RAB5B: variants seen among roughly 807,000 people sequenced by gnomAD.
The protein encoded by RAB5B is RAB5B, member RAS oncogene family.
A neutral mutation model predicts 28.6 loss-of-function variants in RAB5B; 11 were observed. That is an observed-to-expected ratio of 0.38 (90% CI 0.24 to 0.64). The LOEUF (loss-of-function observed/expected upper bound fraction) is 0.64. Ranked by LOEUF, RAB5B falls within the 30% of genes least tolerant of loss-of-function variation. The pLI is 0.53. For synonymous variants in RAB5B, 93 were observed against 97.9 expected (o/e 0.95, Z 0.29); for missense variants, 169 against 265.6 (o/e 0.64, Z 2.53).
intron 1 of RAB5B, among the ~76,000 whole-genome samples, chr12:55,977,282 C>CGTGT (rs66505706): frequency 2.6e-5 from 4 of 150,974 alleles, no homozygotes; most frequent in East Asian, 3.9e-4. Flanking sequence ...GCCGTGTGTG[C>CGTGT]GTGTGTGTGT....
intron 2 of RAB5B, among the ~76,000 whole-genome samples, chr12:55,987,760 G>A (rs1479662614): frequency 6.6e-6 from 1 of 151,792 alleles, no homozygotes; most frequent in African/African-American, 2.4e-5. Context: ...GAACCCAGGG[G>A]GCAGAGGTTG....
intron 2 of RAB5B, among the ~76,000 whole-genome samples, chr12:55,989,550 G>A (rs181197014): frequency 2.0e-5 from 3 of 152,328 alleles, no homozygotes; most frequent in Non-Finnish European, 4.4e-5. Flanking sequence ...AAAGTGCTGG[G>A]ATTACAGGCG....
intron 1 of RAB5B, among the ~76,000 whole-genome samples, chr12:55,979,032 C>G (rs1172493964): frequency 6.6e-6 from 1 of 152,122 alleles, no homozygotes; most frequent in African/African-American, 2.4e-5. Flanking sequence ...CTTGGCCTCT[C>G]AAAGTGCTGG....
chr12:55,992,281 C>G lies in RAB5B; in HGVS notation c.*69C>G, dbSNP rs1344006593. 3.0e-6 allele frequency: 4 copies of G among 1,314,292 alleles called. No homozygotes were observed. In the Admixed American group the frequency reaches 7.5e-5, roughly 25 times the overall value. The allele number at this position is 1,314,292 out of a possible 1,614,324, so 81.4% of individuals were successfully genotyped here. ...TAAGAAATAACCTCCATCCCTACCC[C>G]TCAGCACACAACCCCTACGGTAACA... is the stretch of plus-strand genomic sequence containing the variant. On this transcript the variant is annotated 3_prime_UTR_variant, in exon 6 of 6. Transcript: ENST00000360299.
At chr12:55,992,021 G>A (rs776022050) in intron 5 of RAB5B, 76 bp from the exon 6 acceptor site, 113 of 1,098,362 alleles carry the variant, frequency 1.0e-4, no homozygotes, top group Non-Finnish European at 1.4e-4. Flanking sequence ...TTCAGTAGCC[G>A]TTTTTGGCGG....
At chr12:55,987,982 T>C (rs1890002719) in intron 2 of RAB5B, among the ~76,000 whole-genome samples, 1 of 152,004 alleles carries the variant, frequency 6.6e-6, no homozygotes, top group Admixed American at 6.6e-5. Context: ...TCCCCGTCTC[T>C]ACTAAAAATA....
Position 55,993,185 on chromosome 12 carries a change from T to C in RAB5B, c.*973T>C, listed in dbSNP as rs1417139861. 1 of 152,634 alleles carries C rather than the reference T, an allele frequency of 6.6e-6. No individual in the cohort carries two copies. The highest frequency in any genetic ancestry group is 2.4e-5 in the African/African-American group (1 of 41,434). 9.5% of individuals were successfully genotyped at this position (152,634 alleles called of 1,614,324 possible). Reference sequence around the variant, plus strand: ...TATACCCCTGCAGTTTGCACTTTAATTGATGGTAGTTCAGTTGGGGTACTT... The same window carrying C: ...TATACCCCTGCAGTTTGCACTTTAACTGATGGTAGTTCAGTTGGGGTACTT... On this transcript the variant is annotated 3_prime_UTR_variant, in exon 6 of 6. Transcript: ENST00000360299.
In RAB5B at chr12:55,995,572, G is replaced by A. The variant is rs1231069256; in HGVS notation, c.*3360G>A. 2.0e-5 allele frequency: 3 copies of A among 152,120 alleles called. No individual in the cohort carries two copies. The highest frequency in any genetic ancestry group is 6.5e-5 in the Admixed American group (1 of 15,274). The allele number at this position is 152,120 out of a possible 1,614,324, so 9.4% of individuals were successfully genotyped here. A position where few individuals can be genotyped will look rare whatever the true frequency, so the allele number is the denominator to read the frequency against. On this transcript the variant is annotated 3_prime_UTR_variant, in exon 6 of 6. Coordinates refer to ENST00000360299, the MANE Select transcript of RAB5B (RefSeq NM_002868.4). Reference sequence around the variant, plus strand: ...TTCAGTCCACCACAGTCTAAAGGTCGAGGGAAGGGAAATGAAATAGGATTA... The same window carrying A: ...TTCAGTCCACCACAGTCTAAAGGTCAAGGGAAGGGAAATGAAATAGGATTA...
At chr12:55,985,672 C>G in intron 1 of RAB5B, 2 of 455,584 alleles carry the variant, frequency 4.4e-6, no homozygotes, top group Non-Finnish European at 8.8e-6. Flanking sequence ...TGATTGCTTG[C>G]AGACTTAACG....
rs531323946 is a variant in RAB5B, at chr12:55,981,088, C to G, written c.-92-5781C>G. The G allele has an allele frequency of 2.2e-5, 33 of 1,490,824 alleles. No homozygotes were observed. In the African/African-American group the frequency reaches 3.6e-4, roughly 16 times the overall value. 92.3% of individuals were successfully genotyped at this position (1,490,824 alleles called of 1,614,324 possible). A position where few individuals can be genotyped will look rare whatever the true frequency, so the allele number is the denominator to read the frequency against. On this transcript the variant is annotated intron_variant, in intron 1 of 5. Coordinates refer to ENST00000360299, the MANE Select transcript of RAB5B (RefSeq NM_002868.4). ...TGGGGCTATTTATTTATTTTTGAGA[C>G]GGAATCGCTCTGTTGTCCAGGCTGG...
At chr12:55,976,505 T>G (rs1393710891) in intron 1 of RAB5B, among the ~76,000 whole-genome samples, 4 of 152,114 alleles carry the variant, frequency 2.6e-5, no homozygotes, top group African/African-American at 9.7e-5. Flanking sequence ...GTTGGGATAA[T>G]TGTTGGCATC....
intron 1 of RAB5B, among the ~76,000 whole-genome samples, chr12:55,977,991 T>C (rs1436584425): frequency 6.6e-6 from 1 of 152,212 alleles, no homozygotes; most frequent in East Asian, 1.9e-4. Flanking sequence ...TCAGCGAACT[T>C]TGTTTTTAGC....
chr12:55,988,371 T>C (rs1377963104), intron 2 of RAB5B, among the ~76,000 whole-genome samples: 2 of 152,194 alleles, frequency 1.3e-5, no homozygotes, highest in African/African-American at 2.4e-5. Flanking sequence ...CTGGAACTAA[T>C]GCAAAATACA....
chr12:55,976,284 A>G (rs983762966), intron 1 of RAB5B, among the ~76,000 whole-genome samples: 1 of 152,030 alleles, frequency 6.6e-6, no homozygotes, highest in African/African-American at 2.4e-5. Flanking sequence ...TTCTTTCTAC[A>G]GTTTTCCCTT....
At chr12:55,974,966 C>T (rs971110177) in intron 1 of RAB5B, among the ~76,000 whole-genome samples, 1 of 152,028 alleles carries the variant, frequency 6.6e-6, no homozygotes, top group African/African-American at 2.4e-5. Context: ...AAACTCAGCC[C>T]CTACACTTTC....
chr12:55,987,965 G>GTA (rs1890001472), intron 2 of RAB5B, among the ~76,000 whole-genome samples: 1 of 151,876 alleles, frequency 6.6e-6, no homozygotes, highest in South Asian at 2.1e-4. Flanking sequence ...TGGCCAACAA[G>GTA]GTGAAATCCC....
At chr12:55,980,819 G>T in intron 1 of RAB5B, 1 of 1,588,396 alleles carries the variant, frequency 6.3e-7, no homozygotes. Flanking sequence ...AGTAGTTATT[G>T]TCTTGAACCG....
At chr12:55,988,521 T>C (rs1890019479) in intron 2 of RAB5B, among the ~76,000 whole-genome samples, 1 of 152,182 alleles carries the variant, frequency 6.6e-6, no homozygotes, top group South Asian at 2.1e-4. Context: ...TATTTATTTA[T>C]TTTTGAGACG....
At chr12:55,991,280 T>G in intron 4 of RAB5B, 80 bp from the exon 5 acceptor site, 2 of 1,091,940 alleles carry the variant, frequency 1.8e-6, no homozygotes, top group Non-Finnish European at 1.4e-6. Context: ...TTTGCCTAGC[T>G]GTTGTGCTGC....
Sources: allele counts gnomAD v4.1 joint callset (sites outside exome capture counted in the v4.1 genomes callset), GRCh38; gene constraint gnomAD v4.1.1; transcripts MANE v1.5; gene names NCBI Gene and HGNC (gene_info 2026-07-23, HGNC 2026-07-21).